Variants in NTN1 observed in about 807,000 individuals in gnomAD.
The protein encoded by NTN1 is netrin-1.
NTN1 carries 11 observed loss-of-function variants against 54.2 expected under a neutral mutation model. The ratio of observed to expected loss-of-function variants is 0.20; its 90% CI spans 0.13 to 0.34. The LOEUF is 0.34. Ranked by LOEUF, NTN1 falls within the 10% of genes least tolerant of loss-of-function variation. The pLI is 1.00. For synonymous variants in NTN1, 371 were observed against 382.0 expected (o/e 0.97, Z 0.33); for missense variants, 740 against 893.1 (o/e 0.83, Z 2.18).
intron 6 of NTN1, among the ~76,000 whole-genome samples, chr17:9,231,371 A>C (rs1225634689): frequency 6.6e-6 from 1 of 152,224 alleles, no homozygotes; most frequent in East Asian, 1.9e-4. Context: ...CCCCTGAGTC[A>C]GTTCATCCGG....
intron 5 of NTN1, among the ~76,000 whole-genome samples, chr17:9,191,009 G>A (rs1904439362): frequency 1.3e-5 from 2 of 152,146 alleles, no homozygotes; most frequent in African/African-American, 2.4e-5. Context: ...AAAATATGCT[G>A]TATATCACCA....
intron 2 of NTN1, among the ~76,000 whole-genome samples, chr17:9,106,774 C>T (rs577179542): frequency 3.5e-4 from 54 of 152,270 alleles, no homozygotes; most frequent in African/African-American, 1.2e-3. Context: ...CTTGGCCTCC[C>T]AAAGTGCTGG....
At chr17:9,183,524 C>G (rs1247839598) in intron 5 of NTN1, 1 of 358,832 alleles carries the variant, frequency 2.8e-6, no homozygotes. Context: ...GCGGAAGTCA[C>G]AGCGGTTTAC....
chr17:9,073,931 T>G (rs2092040921), intron 2 of NTN1, among the ~76,000 whole-genome samples: 1 of 152,206 alleles, frequency 6.6e-6, no homozygotes, highest in African/African-American at 2.4e-5. Context: ...CGTTTTTCAT[T>G]CAAGGGAATC....
intron 2 of NTN1, among the ~76,000 whole-genome samples, chr17:9,125,916 G>C (rs892811796): frequency 6.6e-6 from 1 of 152,120 alleles, no homozygotes; most frequent in African/African-American, 2.4e-5. Context: ...TTTAATCTTC[G>C]CAGTCTTTAC....
intron 2 of NTN1, among the ~76,000 whole-genome samples, chr17:9,086,166 T>G (rs2092089441): frequency 6.6e-6 from 1 of 152,144 alleles, no homozygotes; most frequent in East Asian, 1.9e-4. Context: ...CAAGTGGAAG[T>G]AGGTGTAGGG....
intron 2 of NTN1, among the ~76,000 whole-genome samples, chr17:9,096,253 A>T (rs2092131535): frequency 6.8e-6 from 1 of 147,586 alleles, no homozygotes; most frequent in African/African-American, 2.5e-5. Context: ...TTTCCAGTAT[A>T]TTTTCCAATT....
chr17:9,040,692 C>G lies in NTN1; in HGVS notation c.1018+17301C>G, dbSNP rs1365951766. Reference sequence around the variant, plus strand: ...TTAAGTGAGCACATTTCTAGAGTTTCATTGTTAAATATGTTGTTTGTTGCT... The same window carrying G: ...TTAAGTGAGCACATTTCTAGAGTTTGATTGTTAAATATGTTGTTTGTTGCT... On this transcript the variant is annotated intron_variant, in intron 2 of 6. Transcript: ENST00000173229. 4.6e-5 allele frequency among the ~76,000 whole-genome samples: 7 copies of G among 152,114 alleles called. No individual in the cohort carries two copies. In the East Asian group the frequency reaches 1.3e-3, roughly 29 times the overall value.
upstream of NTN1, among the ~76,000 whole-genome samples, chr17:9,019,684 C>G (rs1567690644): frequency 6.6e-6 from 1 of 152,232 alleles, no homozygotes; most frequent in Non-Finnish European, 1.5e-5. Flanking sequence ...TTTCCATAGT[C>G]ACACAGCAGA....
intron 5 of NTN1, among the ~76,000 whole-genome samples, chr17:9,199,960 C>T (rs1426434924): frequency 6.6e-6 from 1 of 152,246 alleles, no homozygotes; most frequent in East Asian, 1.9e-4. Context: ...GGTGTGCATT[C>T]TGCCCAACAG....
intron 5 of NTN1, among the ~76,000 whole-genome samples, chr17:9,215,492 T>C (rs562690318): frequency 1.3e-5 from 2 of 152,186 alleles, no homozygotes; most frequent in Non-Finnish European, 2.9e-5. Context: ...TGTAAACTCT[T>C]ACTTTTGACT....
the NTN1 span, among the ~76,000 whole-genome samples, chr17:9,010,894 A>T: frequency 6.6e-6 from 1 of 152,100 alleles, no homozygotes; most frequent in Admixed American, 6.5e-5. Flanking sequence ...TTATTATTAC[A>T]TGGTAATGTG....
intron 3 of NTN1, chr17:9,177,134 T>C (rs2092402231): frequency 3.3e-5 from 5 of 152,370 alleles, no homozygotes; most frequent in Admixed American, 3.3e-4. Context: ...GTCAGATTCT[T>C]GCAGAATCTC....
rs200417824 is a variant in NTN1, at chr17:9,031,792, A to AAAAC, written c.1018+8413_1018+8416dup. ...AAACCTCATCTCTACTAAAAATACA[A>AAAAC]AAACAAACAAACAAAAAAAACTAGC... On this transcript the variant is annotated intron_variant, in intron 2 of 6. Coordinates refer to ENST00000173229, the MANE Select transcript of NTN1 (RefSeq NM_004822.3). 4.6e-5 allele frequency among the ~76,000 whole-genome samples: 7 copies of AAAAC among 151,182 alleles called. No individual in the cohort carries two copies. In the East Asian group the frequency reaches 1.2e-3, roughly 25 times the overall value.
intron 2 of NTN1, among the ~76,000 whole-genome samples, chr17:9,124,499 A>C (rs1313906628): frequency 6.6e-6 from 1 of 152,228 alleles, no homozygotes; most frequent in Non-Finnish European, 1.5e-5. Flanking sequence ...TGCAGGGCCT[A>C]ATATGGGCTT....
intron 6 of NTN1, among the ~76,000 whole-genome samples, chr17:9,234,470 C>G (rs1905914335): frequency 6.6e-6 from 1 of 152,254 alleles, no homozygotes; most frequent in African/African-American, 2.4e-5. Flanking sequence ...GAACTGCACT[C>G]TCTTCTTGCT....
chr17:9,213,544 G>C (rs750369234), intron 5 of NTN1, among the ~76,000 whole-genome samples: 1 of 152,166 alleles, frequency 6.6e-6, no homozygotes, highest in Non-Finnish European at 1.5e-5. Context: ...TGGGTCTCCT[G>C]GTAAATGAGG....
intron 5 of NTN1, chr17:9,183,193 C>A: frequency 1.5e-6 from 1 of 689,104 alleles, no homozygotes. Flanking sequence ...TTTAATGATG[C>A]CTCTCTCCCA....
At chr17:9,072,237 G>T (rs1021948618) in intron 2 of NTN1, among the ~76,000 whole-genome samples, 1 of 151,534 alleles carries the variant, frequency 6.6e-6, no homozygotes, top group Non-Finnish European at 1.5e-5. Context: ...CTGGAGCCTG[G>T]GTTATTTGCT....
Sources: gnomAD v4.1 joint callset for allele counts (sites outside exome capture counted in the v4.1 genomes callset) on GRCh38, gnomAD v4.1.1 for gene constraint, MANE v1.5 for transcripts, NCBI Gene and HGNC (gene_info 2026-07-23, HGNC 2026-07-21) for gene names.